TG: variants seen among roughly 807,000 people sequenced by gnomAD.
The protein encoded by TG is thyroid hormones.
In TG, 270 loss-of-function variants were observed where a neutral mutation model predicts 324.7. The ratio of observed to expected loss-of-function variants is 0.83; its 90% CI spans 0.75 to 0.92. TG has a LOEUF of 0.92. TG is among the 40% of genes least tolerant of loss of function. The pLI, the probability that TG is intolerant of heterozygous loss-of-function variation, is 0.00. For missense variants in TG, 3,591 were observed against 3,456.4 expected (o/e 1.04, Z -0.98); for synonymous variants, 1,401 against 1,327.0 (o/e 1.06, Z -1.21).
At position 133,095,118 on chromosome 8, in the gene TG, G is replaced by A; in HGVS notation, c.7314G>A (p.Lys2438=). 6.2e-7 allele frequency: 1 copy of A among 1,614,240 alleles called. No individual in the cohort carries two copies. Among genetic ancestry groups the A allele is most frequent in the Non-Finnish European group, 8.5e-7 (1 of 1,180,044 alleles). Residue 2438 remains lysine, a synonymous_variant, in exon 42 of 48, where the codon AAG becomes AAA. Coordinates refer to ENST00000220616, the MANE Select transcript of TG (RefSeq NM_003235.5). The stretch of plus-strand genomic sequence containing the variant: ...AGCAGCAGGCAATTGCTTTGGCAAA[G>A]GAGGTCAGTTGCCCCATGTCATCCA... The part of the protein sequence containing the change: ...RAQQQAIALA[K]EVSCPMSSSQ...
rs762751709 is a variant in TG at position 132,961,080 on chromosome 8, T to C, written c.5467+7T>C. On this transcript the variant is annotated splice_region_variant and intron_variant, in intron 28 of 47. Transcript: ENST00000220616. ...CAGGTTTATCTCTGGAAAGGTGAGCTCCGTGGTGGAAGAGGGGGTTAGCAG... is the reference window on the plus strand; with the variant it reads ...CAGGTTTATCTCTGGAAAGGTGAGCCCCGTGGTGGAAGAGGGGGTTAGCAG... The C allele has an allele frequency of 6.2e-7, 1 of 1,613,848 alleles. No homozygotes were observed. Among genetic ancestry groups the C allele is most frequent in the Non-Finnish European group, 8.5e-7 (1 of 1,179,916 alleles).
Position 132,990,502 on chromosome 8 carries a change from G to A in TG, c.6262+7090G>A, listed in dbSNP as rs565723113. ...TTGTTAGCCATCTTCCCACTACAGT[G>A]CTACACAGCAGTGGGAATCATTTTT... is the stretch of plus-strand genomic sequence containing the variant. On this transcript the variant is annotated intron_variant, in intron 35 of 47. Transcript: ENST00000220616. 8.5e-5 allele frequency among the ~76,000 whole-genome samples: 13 copies of A among 152,078 alleles called. No individual in the cohort carries two copies. The East Asian group carries it at 2.5e-3, about 29-fold the overall frequency.
chr8:132,951,112 C>G (rs555821461), intron 27 of TG, among the ~76,000 whole-genome samples: 19 of 152,236 alleles, frequency 1.2e-4, no homozygotes, highest in Admixed American at 2.6e-4. Flanking sequence ...AGCAGAGTTC[C>G]TGATCTGTGG....
intron 41 of TG, among the ~76,000 whole-genome samples, chr8:133,083,219 TA>T (rs1216305878): frequency 2.0e-5 from 3 of 152,246 alleles, no homozygotes; most frequent in African/African-American, 7.2e-5. Flanking sequence ...GGTAATACTT[TA>T]TAACCTGTAA....
intron 41 of TG, among the ~76,000 whole-genome samples, chr8:133,073,800 T>C (rs979895129): frequency 6.6e-6 from 1 of 152,060 alleles, no homozygotes; most frequent in African/African-American, 2.4e-5. Context: ...TTAGAGCCCC[T>C]CACTTGCCTC....
chr8:132,877,944 C>A (rs912097744), intron 5 of TG, among the ~76,000 whole-genome samples: 6 of 151,684 alleles, frequency 4.0e-5, no homozygotes, highest in East Asian at 3.9e-4. Flanking sequence ...TTCTGATATG[C>A]CCAAAACAGG....
chr8:132,878,278 C>T (rs1814123936), intron 5 of TG, among the ~76,000 whole-genome samples: 2 of 152,174 alleles, frequency 1.3e-5, no homozygotes, highest in African/African-American at 4.8e-5. Context: ...TTGACAATGT[C>T]CTGCTGCTGA....
At chr8:133,108,140 C>G (rs1179191871) in intron 43 of TG, among the ~76,000 whole-genome samples, 1 of 151,768 alleles carries the variant, frequency 6.6e-6, no homozygotes, top group African/African-American at 2.4e-5. Flanking sequence ...TGCCACCACA[C>G]CTGGCTATTT....
At chr8:133,045,387 C>CTTTTTTTTTTTTTT (rs5895172) in intron 41 of TG, among the ~76,000 whole-genome samples, 1 of 65,868 alleles carries the variant, frequency 1.5e-5, no homozygotes, top group Non-Finnish European at 2.6e-5. Flanking sequence ...ATCCTCTTTG[C>CTTTTTTTTTTTTTT]TTTTTTTTTT....
At chr8:133,000,451 A>G (rs1344055334) in intron 35 of TG, among the ~76,000 whole-genome samples, 1 of 152,188 alleles carries the variant, frequency 6.6e-6, no homozygotes, top group Non-Finnish European at 1.5e-5. Flanking sequence ...AAAACAAAAG[A>G]CCAATAATTG....
At chr8:133,035,035 A>G (rs549728435) in intron 41 of TG, among the ~76,000 whole-genome samples, 1 of 152,288 alleles carries the variant, frequency 6.6e-6, no homozygotes, top group Non-Finnish European at 1.5e-5. Context: ...GTGTTTTCAG[A>G]AGTCTATTTC....
chr8:132,941,221 A>G, intron 25 of TG, 130 bp from the exon 26 acceptor site: 3 of 1,126,694 alleles, frequency 2.7e-6, no homozygotes, highest in South Asian at 2.6e-5. Context: ...AGAGCATCTC[A>G]TCTTGGCCCA....
At chr8:133,005,487 G>A (rs1298881064) in intron 35 of TG, among the ~76,000 whole-genome samples, 9 of 152,178 alleles carry the variant, frequency 5.9e-5, no homozygotes, top group Admixed American at 1.3e-4. Flanking sequence ...ACCCAGAGAC[G>A]GTGAAGGTGG....
chr8:132,965,983 C>T (rs1828506585), intron 29 of TG, among the ~76,000 whole-genome samples: 1 of 152,138 alleles, frequency 6.6e-6, no homozygotes, highest in Non-Finnish European at 1.5e-5. Context: ...AAGACAGAGT[C>T]AGGGAATGGT....
At position 133,134,736 on chromosome 8, in the gene TG, G is replaced by A. The variant is rs766440097; in HGVS notation, c.8249G>A (p.Gly2750Glu). 2 of 1,614,060 alleles carry A rather than the reference G, an allele frequency of 1.2e-6. No homozygotes were observed. The highest frequency in any genetic ancestry group is 1.7e-6 in the Non-Finnish European group (2 of 1,180,012). ...SEEEELTAGS[G>E]LREDLLSLQE... ...GAGGAGGAGTTGACGGCTGGATCTG[G>A]GCTAAGAGAAGATCTCCTAAGCCTC... Residue 2750 changes from glycine (G) to glutamate (E), a missense_variant, in exon 48 of 48, where the codon GGG (glycine) becomes GAG (glutamate). Coordinates refer to ENST00000220616, the MANE Select transcript of TG (RefSeq NM_003235.5).
At position 132,893,885 on chromosome 8, in the gene TG, T is replaced by C. The variant is rs1816711149; in HGVS notation, c.2957T>C (p.Phe986Ser). 1 of 1,614,050 alleles carries C rather than the reference T, an allele frequency of 6.2e-7. No homozygotes were observed. Among genetic ancestry groups the C allele is most frequent in the Non-Finnish European group, 8.5e-7 (1 of 1,179,958 alleles). Reference protein sequence around the residue: ...FPPREAFAEQFLRGSDYAIRL... With the variant: ...FPPREAFAEQSLRGSDYAIRL... ...CCCCGGGAGGCTTTCGCGGAGCAGTTTCTGCGTGGGAGTGATTACGCCATT... is the reference window on the plus strand; with the variant it reads ...CCCCGGGAGGCTTTCGCGGAGCAGTCTCTGCGTGGGAGTGATTACGCCATT... The change falls in exon 11 of 48, where the codon TTT becomes TCT. Residue 986 changes from phenylalanine (F) to serine (S), a missense_variant. By Grantham distance (155) the Phe-to-Ser change is radical. Coordinates refer to ENST00000220616, the MANE Select transcript of TG (RefSeq NM_003235.5).
At chr8:133,070,714 A>G (rs1052143385) in intron 41 of TG, among the ~76,000 whole-genome samples, 3 of 152,202 alleles carry the variant, frequency 2.0e-5, no homozygotes, top group African/African-American at 7.2e-5. Context: ...TAAAACTTTA[A>G]TTCTAAAAGC....
chr8:133,049,166 G>C, intron 41 of TG: 1 of 456,610 alleles, frequency 2.2e-6, no homozygotes, highest in Non-Finnish European at 4.4e-6. Context: ...GGAGGCTGCA[G>C]AGGCCTCACT....
intron 20 of TG, among the ~76,000 whole-genome samples, chr8:132,918,930 T>C (rs1327819595): frequency 6.6e-6 from 1 of 152,216 alleles, no homozygotes; most frequent in Non-Finnish European, 1.5e-5. Flanking sequence ...ATACAGACTT[T>C]CCATGGGTGT....
Sources: gnomAD v4.1 joint callset for allele counts (sites outside exome capture counted in the v4.1 genomes callset) on GRCh38, gnomAD v4.1.1 for gene constraint, MANE v1.5 for transcripts, NCBI Gene and HGNC (gene_info 2026-07-23, HGNC 2026-07-21) for gene names.